PELI2: variants seen among roughly 807,000 people sequenced by gnomAD.
PELI2 encodes the protein E3 ubiquitin-protein ligase pellino homolog 2.
Under a neutral mutation model 42.3 loss-of-function variants are expected in PELI2, and 23 were observed. The observed-to-expected ratio is 0.54, with a 90% CI of 0.39 to 0.77. PELI2 has a LOEUF of 0.77. PELI2 is among the 30% of genes least tolerant of loss of function. PELI2 has a pLI of 0.00. For missense variants in PELI2, 463 were observed against 553.2 expected (o/e 0.84, Z 1.64); for synonymous variants, 245 against 212.2 (o/e 1.15, Z -1.34).
At position 56,254,745 on chromosome 14, in the gene PELI2, G is replaced by T. The variant is rs1253867194; in HGVS notation, c.208-24931G>T. ...AAAATTTTTGCAATCTTTCCCGTCT[G>T]ACAAAGGGCTAATATCCAGAATCTA... On this transcript the variant is annotated intron_variant, in intron 2 of 5. Coordinates refer to ENST00000267460, the MANE Select transcript of PELI2 (RefSeq NM_021255.3). Among the ~76,000 whole-genome samples, 3 of 152,122 alleles carry T rather than the reference G, an allele frequency of 2.0e-5. No individual in the cohort carries two copies. The East Asian group carries it at 5.8e-4, about 29-fold the overall frequency.
intron 2 of PELI2, among the ~76,000 whole-genome samples, chr14:56,255,180 T>C (rs144265238): frequency 0.024 from 3,693 of 152,292 alleles, 75 homozygotes; most frequent in South Asian, 0.11. Flanking sequence ...TAAAGACACA[T>C]GCACACATTT....
At chr14:56,161,533 A>C (rs930587338) in intron 1 of PELI2, among the ~76,000 whole-genome samples, 1 of 152,138 alleles carries the variant, frequency 6.6e-6, no homozygotes, top group Non-Finnish European at 1.5e-5. Flanking sequence ...TTGGCCTCCC[A>C]AAGTGCTGGG....
At chr14:56,144,217 A>G (rs1020735978) in intron 1 of PELI2, among the ~76,000 whole-genome samples, 1 of 152,152 alleles carries the variant, frequency 6.6e-6, no homozygotes, top group Non-Finnish European at 1.5e-5. Flanking sequence ...GTTCAATCCT[A>G]TTGTATCATT....
At chr14:56,220,099 C>T (rs1887067869) in intron 2 of PELI2, among the ~76,000 whole-genome samples, 1 of 152,224 alleles carries the variant, frequency 6.6e-6, no homozygotes, top group Non-Finnish European at 1.5e-5. Context: ...TCAGCATTAC[C>T]TTGTCCCTTG....
intron 1 of PELI2, among the ~76,000 whole-genome samples, chr14:56,160,686 A>G (rs1174329404): frequency 6.6e-6 from 1 of 152,220 alleles, no homozygotes; most frequent in East Asian, 1.9e-4. Context: ...TTAACCTAGC[A>G]ATGACAGCCT....
intron 1 of PELI2, among the ~76,000 whole-genome samples, chr14:56,135,821 AATGCTTCAGAAGAGGC>A (rs1182706596): frequency 6.6e-6 from 1 of 152,226 alleles, no homozygotes; most frequent in Non-Finnish European, 1.5e-5. Flanking sequence ...TGTTAACTGG[AATGCTTCAGAAGAGGC>A]ATGCTTTTGG....
intron 2 of PELI2, among the ~76,000 whole-genome samples, chr14:56,232,258 A>G (rs1469801860): frequency 2.3e-4 from 35 of 152,172 alleles, no homozygotes; most frequent in Admixed American, 2.3e-3. Flanking sequence ...AACTCATTTT[A>G]TGAGGCCAGC....
In PELI2 at chr14:56,288,502, C is replaced by T. The variant is rs1220547896; in HGVS notation, c.375C>T (p.Asn125=). ...VVTDTISGSQ[N]TDEAQITQST... ...CAGACACGATTTCTGGCAGCCAGAA[C>T]ACGGACGAAGCCCAGATCACACAGA... Residue 125 remains asparagine (N), a synonymous_variant, in exon 4 of 6, where the codon AAC becomes AAT. Coordinates refer to ENST00000267460, the MANE Select transcript of PELI2 (RefSeq NM_021255.3). This position sits in a 1 kb window ranked among gnomAD's most constrained non-coding sequence, Gnocchi z 4.6. 1.2e-6 allele frequency: 2 copies of T among 1,613,980 alleles called. No individual in the cohort carries two copies. The highest frequency in any genetic ancestry group is 1.7e-6 in the Non-Finnish European group (2 of 1,179,978).
At chr14:56,247,806 A>C (rs916664076) in intron 2 of PELI2, among the ~76,000 whole-genome samples, 4 of 152,222 alleles carry the variant, frequency 2.6e-5, no homozygotes, top group African/African-American at 9.6e-5. Context: ...ATGTCGAGAC[A>C]GACCTTGTCA....
At chr14:56,226,261 A>C (rs1409142336) in intron 2 of PELI2, among the ~76,000 whole-genome samples, 1 of 152,192 alleles carries the variant, frequency 6.6e-6, no homozygotes, top group Admixed American at 6.5e-5. Flanking sequence ...TGGCTAACCC[A>C]GGCCCAGGCT....
At chr14:56,259,844 G>A (rs2139833660) in intron 2 of PELI2, among the ~76,000 whole-genome samples, 1 of 152,216 alleles carries the variant, frequency 6.6e-6, no homozygotes, top group East Asian at 1.9e-4. Flanking sequence ...ATAAGTAATA[G>A]AGAATGGAAA....
intron 2 of PELI2, among the ~76,000 whole-genome samples, chr14:56,241,834 C>G (rs976882380): frequency 6.6e-6 from 1 of 152,088 alleles, no homozygotes; most frequent in Non-Finnish European, 1.5e-5. Flanking sequence ...GTACTTAGCC[C>G]AACAGTCAAG....
At chr14:56,287,311 A>G (rs1280250696) in intron 3 of PELI2, among the ~76,000 whole-genome samples, 1 of 152,176 alleles carries the variant, frequency 6.6e-6, no homozygotes, top group African/African-American at 2.4e-5. Flanking sequence ...ACTTTTCTCC[A>G]TTTGTTAAAT....
At chr14:56,210,523 A>G (rs1886677027) in intron 2 of PELI2, among the ~76,000 whole-genome samples, 1 of 152,172 alleles carries the variant, frequency 6.6e-6, no homozygotes, top group Admixed American at 6.5e-5. Context: ...GGGCTTGATG[A>G]ACTGCAGAAA....
intron 1 of PELI2, among the ~76,000 whole-genome samples, chr14:56,140,469 C>A (rs1456529287): frequency 6.6e-6 from 1 of 152,154 alleles, no homozygotes; most frequent in African/African-American, 2.4e-5. Flanking sequence ...ACAGTGAGGT[C>A]TAAAAAGAAA....
chr14:56,139,660 A>C (rs1311575824), intron 1 of PELI2, among the ~76,000 whole-genome samples: 1 of 152,050 alleles, frequency 6.6e-6, no homozygotes, highest in Non-Finnish European at 1.5e-5. Flanking sequence ...CCCACCACAC[A>C]CACCTTTTTC....
chr14:56,146,196 G>C (rs746738696), intron 1 of PELI2, among the ~76,000 whole-genome samples: 1 of 152,190 alleles, frequency 6.6e-6, no homozygotes, highest in Non-Finnish European at 1.5e-5. Context: ...GTGGAGTGCA[G>C]TATGATTTCA....
chr14:56,136,509 A>G (rs765761658), intron 1 of PELI2, among the ~76,000 whole-genome samples: 5 of 152,240 alleles, frequency 3.3e-5, no homozygotes, highest in Non-Finnish European at 7.3e-5. Flanking sequence ...TGGAGATGTC[A>G]TATGTGATAT....
chr14:56,129,556 A>G (rs1294745564), intron 1 of PELI2, among the ~76,000 whole-genome samples: 1 of 152,122 alleles, frequency 6.6e-6, no homozygotes, highest in Non-Finnish European at 1.5e-5. Context: ...GGCCCAAGGG[A>G]TGGGGTCCTG....
Sources: gnomAD v4.1 joint callset for allele counts (sites outside exome capture counted in the v4.1 genomes callset) on GRCh38, gnomAD v4.1.1 for gene constraint, Gnocchi (gnomAD v3.1) non-coding constraint, MANE v1.5 for transcripts, NCBI Gene and HGNC (gene_info 2026-07-23, HGNC 2026-07-21) for gene names.